Variants in TXLNB observed in about 807,000 individuals in gnomAD.
The protein encoded by TXLNB is taxilin beta.
Under a neutral mutation model 57.4 loss-of-function variants are expected in TXLNB, and 37 were observed. The observed-to-expected ratio is 0.64, with a 90% CI of 0.50 to 0.85. TXLNB has a LOEUF of 0.85. Ranked by LOEUF, TXLNB falls within the 40% of genes least tolerant of loss-of-function variation. The pLI, the probability that TXLNB is intolerant of heterozygous loss-of-function variation, is 0.00. For missense variants in TXLNB, 848 were observed against 825.6 expected (o/e 1.03, Z -0.33); for synonymous variants, 302 against 309.6 (o/e 0.98, Z 0.26).
the TXLNB span, among the ~76,000 whole-genome samples, chr6:139,184,874 T>C: frequency 6.6e-6 from 1 of 152,214 alleles, no homozygotes; most frequent in Non-Finnish European, 1.5e-5. Context: ...AAAGTGCTGG[T>C]TACATGTTTC....
the TXLNB span, among the ~76,000 whole-genome samples, chr6:139,160,176 G>A: frequency 7.2e-5 from 11 of 152,182 alleles, no homozygotes; most frequent in African/African-American, 2.7e-4. Context: ...TTTAACTTGA[G>A]CAGAAGAAAT....
At chr6:139,206,512 C>G in the TXLNB span, among the ~76,000 whole-genome samples, 2 of 151,974 alleles carry the variant, frequency 1.3e-5, no homozygotes, top group Non-Finnish European at 2.9e-5. Flanking sequence ...ACTAAAAACA[C>G]AAAAAATTAG....
chr6:139,211,064 GACAA>G, the TXLNB span, among the ~76,000 whole-genome samples: 16 of 152,366 alleles, frequency 1.1e-4, no homozygotes, highest in African/African-American at 3.6e-4. Context: ...GCAGGGCACA[GACAA>G]ACAAGAGACA....
the TXLNB span, among the ~76,000 whole-genome samples, chr6:139,212,804 A>G: frequency 6.6e-6 from 1 of 152,178 alleles, no homozygotes; most frequent in African/African-American, 2.4e-5. Context: ...CAAATAGAAA[A>G]CAAAAAAAGG....
chr6:139,185,863 A>C, the TXLNB span, among the ~76,000 whole-genome samples: 18 of 152,090 alleles, frequency 1.2e-4, no homozygotes, highest in African/African-American at 4.3e-4. Flanking sequence ...TTACCTGCCT[A>C]TCTCTCTCTT....
chr6:139,242,863 G>A lies in TXLNB; in HGVS notation c.1718C>T (p.Pro573Leu), dbSNP rs763475294. The A allele has an allele frequency of 6.2e-7, 1 of 1,614,164 alleles. No homozygotes were observed. Among genetic ancestry groups the A allele is most frequent in the Non-Finnish European group, 8.5e-7 (1 of 1,180,020 alleles). ...AGGAGAATTACTGGCCTTGGAGGGA[G>A]GTTCAGCATCACTGCCTCCTTCGGC... ...AEAEGGSDAE[P>L]PSKASNSPAG... The change falls in exon 10 of 10, where the codon CCT becomes CTT. Residue 573 changes from proline (P) to leucine (L), a missense_variant. Physicochemically the swap from Pro to Leu is moderately conservative, Grantham distance 98 (BLOSUM62 -3). Transcript: ENST00000358430.
chr6:139,229,180 C>T, the TXLNB span, among the ~76,000 whole-genome samples: 2 of 152,070 alleles, frequency 1.3e-5, no homozygotes, highest in African/African-American at 4.8e-5. Flanking sequence ...TACAAATGTA[C>T]GAGAAAAGGA....
At chr6:139,284,243 T>C (rs760344024) in intron 2 of TXLNB, among the ~76,000 whole-genome samples, 7 of 145,246 alleles carry the variant, frequency 4.8e-5, no homozygotes, top group Non-Finnish European at 1.1e-4. Flanking sequence ...TAAATACTCA[T>C]TGTGGGCCGG....
the TXLNB span, among the ~76,000 whole-genome samples, chr6:139,213,005 C>T: frequency 1.3e-5 from 2 of 152,174 alleles, no homozygotes; most frequent in South Asian, 4.1e-4. Context: ...TACAAAGAGA[C>T]TTAGACTCCC....
At chr6:139,195,175 G>A in the TXLNB span, among the ~76,000 whole-genome samples, 4 of 152,118 alleles carry the variant, frequency 2.6e-5, no homozygotes, top group Admixed American at 2.0e-4. Context: ...ATGCCAGCAA[G>A]GATGGATTGA....
chr6:139,305,169 A>G, the TXLNB span, among the ~76,000 whole-genome samples: 1 of 152,188 alleles, frequency 6.6e-6, no homozygotes, highest in African/African-American at 2.4e-5. Flanking sequence ...CTCCTTGTTC[A>G]TAACTCTCCC....
chr6:139,168,066 C>A, the TXLNB span, among the ~76,000 whole-genome samples: 17 of 152,196 alleles, frequency 1.1e-4, no homozygotes, highest in Non-Finnish European at 2.2e-4. Context: ...GATATATCCC[C>A]ACCTGTCTCC....
At chr6:139,253,054 A>G (rs1776249700) in intron 7 of TXLNB, among the ~76,000 whole-genome samples, 1 of 152,226 alleles carries the variant, frequency 6.6e-6, no homozygotes, top group Non-Finnish European at 1.5e-5. Context: ...ATTTCCTTAT[A>G]TGAAATCCTT....
the TXLNB span, among the ~76,000 whole-genome samples, chr6:139,186,159 A>G: frequency 6.6e-6 from 1 of 152,196 alleles, no homozygotes; most frequent in East Asian, 1.9e-4. Context: ...AAATAACCCA[A>G]TCTGGATCCA....
rs1443109566 is a variant in TXLNB at position 139,243,117 on chromosome 6, A to T, written c.1464T>A (p.Ile488=). ...GGACACTATTAACCTCCTCTGCGTCAATCTCTTGATCCACAGAGACGTTTG... is the reference window on the plus strand; with the variant it reads ...GGACACTATTAACCTCCTCTGCGTCTATCTCTTGATCCACAGAGACGTTTG... ...PESNVSVDQE[I]DAEEVNSVQT... is the part of the protein sequence containing the mutation. The change falls in exon 10 of 10, where the codon ATT becomes ATA. Residue 488 remains isoleucine (I), a synonymous_variant. Transcript: ENST00000358430. 2 of 1,614,074 alleles carry T rather than the reference A, an allele frequency of 1.2e-6. No individual in the cohort carries two copies. The highest frequency in any genetic ancestry group is 2.2e-5 in the South Asian group (2 of 91,070).
At chr6:139,299,108 T>C in the TXLNB span, among the ~76,000 whole-genome samples, 1 of 152,224 alleles carries the variant, frequency 6.6e-6, no homozygotes, top group Non-Finnish European at 1.5e-5. Context: ...TGTCCCTTTA[T>C]TGAAACACAA....
the TXLNB span, among the ~76,000 whole-genome samples, chr6:139,224,103 A>G: frequency 0.012 from 1,730 of 148,510 alleles, 20 homozygotes; most frequent in African/African-American, 0.04. Flanking sequence ...ACACCATGGA[A>G]TACTATGCAG....
At chr6:139,280,508 G>T (rs1777020929) in intron 2 of TXLNB, among the ~76,000 whole-genome samples, 1 of 151,272 alleles carries the variant, frequency 6.6e-6, no homozygotes, top group Admixed American at 6.6e-5. Flanking sequence ...AGCTGGGCGT[G>T]GTGGCGCACG....
At chr6:139,267,419 C>T (rs1776643476) in intron 4 of TXLNB, among the ~76,000 whole-genome samples, 1 of 152,036 alleles carries the variant, frequency 6.6e-6, no homozygotes, top group Non-Finnish European at 1.5e-5. Flanking sequence ...ACAACATTAA[C>T]TCCAGGAAGA....
Sources: gnomAD v4.1 joint callset for allele counts (sites outside exome capture counted in the v4.1 genomes callset) on GRCh38, gnomAD v4.1.1 for gene constraint, MANE v1.5 for transcripts, NCBI Gene and HGNC (gene_info 2026-07-23, HGNC 2026-07-21) for gene names.